The following BRCA2 variants were observed in gnomAD, a reference collection of about 807,000 sequenced individuals.
BRCA2 encodes the protein breast cancer type 2 susceptibility protein.
BRCA2 carries 203 observed loss-of-function variants against 276.7 expected under a neutral mutation model. The observed-to-expected ratio is 0.73, with a 90% confidence interval of 0.65 to 0.82. The LOEUF (loss-of-function observed/expected upper bound fraction) is 0.82, where lower values mean the gene tolerates loss of function less well. Ranked by LOEUF, BRCA2 falls within the 40% of genes least tolerant of loss-of-function variation. The pLI is 0.00. For synonymous variants in BRCA2, 1,289 were observed against 1,338.4 expected (o/e 0.96, Z 0.81); for missense variants, 3,920 against 3,915.0 (o/e 1.00, Z -0.03).
chr13:32,316,205 G>C (rs1349923418), intron 1 of BRCA2, among the ~76,000 whole-genome samples: 3 of 152,112 alleles, frequency 2.0e-5, no homozygotes, highest in Non-Finnish European at 4.4e-5. Flanking sequence ...TTCTCTAGTC[G>C]CACTAGCCAC....
intron 24 of BRCA2, among the ~76,000 whole-genome samples, chr13:32,390,168 C>T (rs2072987118): frequency 6.6e-6 from 1 of 152,206 alleles, no homozygotes; most frequent in Non-Finnish European, 1.5e-5. Flanking sequence ...CAGATCTAGT[C>T]ATGATGCCTC....
Position 32,338,889 on chromosome 13 carries a change from C to A in BRCA2, c.4534C>A (p.Arg1512Ser), listed in dbSNP as rs80358684. Reference sequence around the variant, plus strand: ...AGTGACCTTCCAGGGACAACCCGAACGTGATGAAAAGATCAAAGAACCTAC... The same window carrying A: ...AGTGACCTTCCAGGGACAACCCGAAAGTGATGAAAAGATCAAAGAACCTAC... ...QLVTFQGQPERDEKIKEPTLL... is the reference protein window; with the variant it reads ...QLVTFQGQPESDEKIKEPTLL... The change falls in exon 11 of 27, where the codon CGT (arginine) becomes AGT (serine). Residue 1512 changes from arginine (R) to serine (S), a missense_variant. By Grantham distance (110) the Arg-to-Ser change is moderately radical. Coordinates refer to ENST00000380152, the MANE Select transcript of BRCA2 (RefSeq NM_000059.4). 1 of 1,613,854 alleles carries A rather than the reference C, an allele frequency of 6.2e-7. No individual in the cohort carries two copies. The highest frequency in any genetic ancestry group is 1.7e-5 in the Admixed American group (1 of 60,002).
Position 32,341,031 on chromosome 13 carries a change from G to A in BRCA2, c.6676G>A (p.Glu2226Lys), listed in dbSNP as rs775859905. ...AGATTCAGAAAACTACTTTGAAACA[G>A]AAGCAGTAGAAATTGCTAAAGCTTT... ...SKDSENYFETEAVEIAKAFME... is the reference protein window; with the variant it reads ...SKDSENYFETKAVEIAKAFME... The change falls in exon 11 of 27, where the codon GAA becomes AAA. Residue 2226 changes from glutamate (E) to lysine (K), a missense_variant. Glu to Lys is a moderately conservative substitution (Grantham distance 56). Coordinates refer to ENST00000380152, the MANE Select transcript of BRCA2 (RefSeq NM_000059.4). 6.2e-7 allele frequency: 1 copy of A among 1,613,744 alleles called. No homozygotes were observed. Among genetic ancestry groups the A allele is most frequent in the Non-Finnish European group, 8.5e-7 (1 of 1,179,864 alleles).
At chr13:32,393,141 A>C (rs2137648703) in intron 24 of BRCA2, among the ~76,000 whole-genome samples, 1 of 152,308 alleles carries the variant, frequency 6.6e-6, no homozygotes, top group African/African-American at 2.4e-5. Context: ...TAAGGTGATA[A>C]TCTGCTGGGT....
Position 32,316,539 on chromosome 13 carries a change from T to C in BRCA2, c.67+12T>C. The C allele has an allele frequency of 6.2e-7, 1 of 1,608,730 alleles. No individual in the cohort carries two copies. The highest frequency in any genetic ancestry group is 1.1e-5 in the South Asian group (1 of 90,794). On this transcript the variant is annotated intron_variant, in intron 2 of 26. Coordinates refer to ENST00000380152, the MANE Select transcript of BRCA2 (RefSeq NM_000059.4). ...CTGCAACAAAGCAGGTATTGACAAA[T>C]TTTATATAACTTTATAAATTACACC...
intron 15 of BRCA2, among the ~76,000 whole-genome samples, chr13:32,357,222 T>TG (rs979792170): frequency 5.9e-5 from 9 of 152,314 alleles, no homozygotes; most frequent in Admixed American, 5.9e-4. Flanking sequence ...CCAAAGTCAC[T>TG]TAACTAGTAA....
intron 16 of BRCA2, 81 bp from the exon 17 acceptor site, chr13:32,362,442 G>C (rs1419732068): frequency 7.4e-7 from 1 of 1,342,800 alleles, no homozygotes; most frequent in South Asian, 1.2e-5. Context: ...TGTAGTTTTT[G>C]TACAGAGAAT....
chr13:32,375,873 AAAT>A (rs1326103709), intron 20 of BRCA2, among the ~76,000 whole-genome samples: 1 of 152,026 alleles, frequency 6.6e-6, no homozygotes, highest in Non-Finnish European at 1.5e-5. Context: ...CATGTTTCTT[AAAT>A]AATAAGACTT....
rs544352037 is a variant in BRCA2, at chr13:32,360,244, G to A, written c.7806-2279G>A. Reference sequence around the variant, plus strand: ...AGTGCAACTGGAGTAGAGTGGGCAGGAGAAGAGTAGTAGTAGATGAGATAC... The same window carrying A: ...AGTGCAACTGGAGTAGAGTGGGCAGAAGAAGAGTAGTAGTAGATGAGATAC... On this transcript the variant is annotated intron_variant, in intron 16 of 26. Transcript: ENST00000380152. 2.0e-4 allele frequency among the ~76,000 whole-genome samples: 31 copies of A among 152,282 alleles called. 1 individual carries two copies. The South Asian group carries it at 6.4e-3, about 32-fold the overall frequency.
At chr13:32,329,072 A>G (rs1208840923) in intron 7 of BRCA2, among the ~76,000 whole-genome samples, 2 of 152,212 alleles carry the variant, frequency 1.3e-5, no homozygotes, top group South Asian at 2.1e-4. Context: ...GAAAATATGT[A>G]TTTAATATAT....
At chr13:32,360,401 T>G (rs2072730542) in intron 16 of BRCA2, among the ~76,000 whole-genome samples, 2 of 152,104 alleles carry the variant, frequency 1.3e-5, no homozygotes, top group African/African-American at 4.8e-5. Flanking sequence ...ACTCTATTGC[T>G]CAGGCTGGAG....
Position 32,316,475 on chromosome 13 carries a change from C to T in BRCA2, c.15C>T (p.Ser5=), listed in dbSNP as rs2138698096. 6.2e-7 allele frequency: 1 copy of T among 1,613,874 alleles called. No individual in the cohort carries two copies. Among genetic ancestry groups the T allele is most frequent in the Non-Finnish European group, 8.5e-7 (1 of 1,179,906 alleles). MPIG[S]KERPTFFEIF... is the part of the protein sequence containing the mutation. The stretch of plus-strand genomic sequence containing the variant: ...CGTAGGTAAAAATGCCTATTGGATC[C>T]AAAGAGAGGCCAACATTTTTTGAAA... The change falls in exon 2 of 27, where the codon TCC becomes TCT. Residue 5 remains serine (S), a synonymous_variant. Coordinates refer to ENST00000380152, the MANE Select transcript of BRCA2 (RefSeq NM_000059.4).
At chr13:32,371,647 A>G (rs537420938) in intron 20 of BRCA2, among the ~76,000 whole-genome samples, 1 of 152,162 alleles carries the variant, frequency 6.6e-6, no homozygotes, top group South Asian at 2.1e-4. Flanking sequence ...ATTGCTCCTT[A>G]TGCTTTATTT....
At chr13:32,328,223 T>C (rs533329000) in intron 7 of BRCA2, among the ~76,000 whole-genome samples, 2 of 151,606 alleles carry the variant, frequency 1.3e-5, no homozygotes, top group South Asian at 2.1e-4. Context: ...TTCACCAACA[T>C]TCTTTCTCTT....
rs147319311 is a variant in BRCA2 at position 32,362,235 on chromosome 13, G to A, written c.7806-288G>A. On this transcript the variant is annotated intron_variant, in intron 16 of 26. Transcript: ENST00000380152. The stretch of plus-strand genomic sequence containing the variant: ...AGAGATGTGGGGGTCTCACTATGTT[G>A]CCTAGGCTGGTCTCAAACTTCTGGC... Among the ~76,000 whole-genome samples the A allele has an allele frequency of 4.1e-3, 624 of 152,108 alleles. 5 individuals carry two copies. The highest frequency in any genetic ancestry group is 4.7e-3 in the Non-Finnish European group (322 of 67,992).
intron 7 of BRCA2, among the ~76,000 whole-genome samples, chr13:32,328,941 A>C (rs568004672): frequency 6.6e-6 from 1 of 152,308 alleles, no homozygotes; most frequent in East Asian, 1.9e-4. Context: ...ATTTATTCCC[A>C]AACCAGTATT....
In BRCA2 at chr13:32,326,065, A is replaced by T. The variant is rs777841854; in HGVS notation, c.426-36A>T. ...ATAAACTAGTTTTTGCCAGTTTTTT[A>T]AAATAACCTAAGGGATTTGCTTTGT... On this transcript the variant is annotated intron_variant, in intron 4 of 26. Coordinates refer to ENST00000380152, the MANE Select transcript of BRCA2 (RefSeq NM_000059.4). 10 of 1,573,238 alleles carry T rather than the reference A, an allele frequency of 6.4e-6. No individual in the cohort carries two copies. In the Admixed American group the frequency reaches 1.8e-4, roughly 28 times the overall value.
chr13:32,387,798 T>TG (rs2072970593), intron 24 of BRCA2, among the ~76,000 whole-genome samples: 5 of 152,214 alleles, frequency 3.3e-5, no homozygotes, highest in Admixed American at 3.3e-4. Context: ...CGCTGACGTA[T>TG]GCTGCCTTCC....
At chr13:32,354,712 A>G in intron 13 of BRCA2, 149 bp from the exon 14 acceptor site, 1 of 659,610 alleles carries the variant, frequency 1.5e-6, no homozygotes, top group Non-Finnish European at 2.7e-6. Flanking sequence ...AAAATGTGAT[A>G]TTGTTTTGGA....
Sources: allele counts gnomAD v4.1 joint callset (sites outside exome capture counted in the v4.1 genomes callset), GRCh38; gene constraint gnomAD v4.1.1; transcripts MANE v1.5; gene names NCBI Gene and HGNC (gene_info 2026-07-23, HGNC 2026-07-21).